DNASE1: variants seen among roughly 807,000 people sequenced by gnomAD.
The protein encoded by DNASE1 is deoxyribonuclease 1.
In DNASE1, 40 loss-of-function variants were observed where a neutral mutation model predicts 33.9. The observed-to-expected ratio is 1.18, with a 90% CI of 0.92 to 1.54. The LOEUF (loss-of-function observed/expected upper bound fraction) is 1.54. Among genes scored for constraint, DNASE1 ranks in the 40% most tolerant of loss-of-function variants. The pLI is 0.00. For missense variants in DNASE1, 518 were observed against 372.6 expected, an observed-to-expected ratio of 1.39 and a Z score of -3.21; for synonymous variants, 216 against 160.0, an observed-to-expected ratio of 1.35 and a Z score of -2.64.
chr16:3,662,994 T>C, downstream of DNASE1: 3 of 1,562,744 alleles, frequency 1.9e-6, no homozygotes, highest in East Asian at 2.4e-5. Context: ...GACAGGGAGC[T>C]CAGGCCTGCA....
upstream of DNASE1, among the ~76,000 whole-genome samples, chr16:3,640,407 G>A (rs971463186): frequency 6.6e-6 from 1 of 152,146 alleles, no homozygotes; most frequent in Admixed American, 6.5e-5. Context: ...TGCAGGTTCC[G>A]GCTGAGTTTC....
At chr16:3,664,488 A>G (rs760293721) in exon 10 of DNASE1, 1 of 1,587,442 alleles carries the variant, frequency 6.3e-7, no homozygotes, top group Non-Finnish European at 8.5e-7. Flanking sequence ...GTCACCACTT[A>G]TTCCAGGCCC....
At chr16:3,626,960 C>G (rs1379956149) in intron 1 of DNASE1, among the ~76,000 whole-genome samples, 4 of 152,068 alleles carry the variant, frequency 2.6e-5, no homozygotes, top group Non-Finnish European at 5.9e-5. Flanking sequence ...CAGCTTTGAA[C>G]TCCTGAGCTC....
chr16:3,648,672 A>G (rs1355031072), intron 1 of DNASE1, among the ~76,000 whole-genome samples: 3 of 152,176 alleles, frequency 2.0e-5, no homozygotes, highest in African/African-American at 7.2e-5. Flanking sequence ...TTAAAAACAA[A>G]ACATAAGGAC....
At chr16:3,648,534 C>T (rs991003852) in intron 1 of DNASE1, among the ~76,000 whole-genome samples, 7 of 151,942 alleles carry the variant, frequency 4.6e-5, no homozygotes, top group Non-Finnish European at 7.4e-5. Flanking sequence ...AGGCGAAGCT[C>T]GCGTGAACCC....
At chr16:3,626,928 G>A (rs1451051657) in intron 1 of DNASE1, among the ~76,000 whole-genome samples, 1 of 152,098 alleles carries the variant, frequency 6.6e-6, no homozygotes, top group African/African-American at 2.4e-5. Context: ...CTGGAGCACG[G>A]TGATGTGATC....
intron 1 of DNASE1, among the ~76,000 whole-genome samples, chr16:3,619,039 A>ATT (rs531078028): frequency 2.1e-5 from 3 of 144,868 alleles, no homozygotes; most frequent in African/African-American, 5.1e-5. Context: ...CCCCTGGGTA[A>ATT]TTTTTTTTTT....
At chr16:3,631,943 G>A (rs886088160) in intron 1 of DNASE1, among the ~76,000 whole-genome samples, 1 of 151,928 alleles carries the variant, frequency 6.6e-6, no homozygotes, top group Non-Finnish European at 1.5e-5. Context: ...ATTTTATTTT[G>A]TGTAACATTG....
In DNASE1 at chr16:3,647,205, C is replaced by T. The variant is rs78058878; in HGVS notation, c.-86+4169C>T. Among the ~76,000 whole-genome samples the T allele has an allele frequency of 2.7e-5, 4 of 150,158 alleles. No homozygotes were observed. The East Asian group carries it at 7.8e-4, about 29-fold the overall frequency. On this transcript the variant is annotated intron_variant, in intron 1 of 9. Coordinates refer to the DNASE1 transcript ENST00000407479. Reference sequence around the variant, plus strand: ...CTTATTTTTGGATGTTGGATCACATCTGGCAGTATTGCTTTAAAAGCTTTT... The same window carrying T: ...CTTATTTTTGGATGTTGGATCACATTTGGCAGTATTGCTTTAAAAGCTTTT...
chr16:3,650,617 A>G (rs905055867), upstream of DNASE1: 1 of 147,298 alleles, frequency 6.8e-6, no homozygotes, highest in African/African-American at 2.5e-5. Flanking sequence ...AAAAAAAAAA[A>G]AAAGAAAAGA....
chr16:3,643,628 AAGGCAACC>A (rs1201804364), intron 1 of DNASE1, among the ~76,000 whole-genome samples: 1 of 152,226 alleles, frequency 6.6e-6, no homozygotes, highest in East Asian at 1.9e-4. Context: ...CACTCAGTTG[AAGGCAACC>A]AGGTACACTG....
intron 4 of DNASE1, 27 bp downstream of exon 4, chr16:3,656,212 C>T: frequency 1.2e-6 from 2 of 1,609,244 alleles, no homozygotes; most frequent in East Asian, 2.2e-5. Context: ...GCCAGGAAGC[C>T]CCTCCCTCAC....
chr16:3,637,387 A>C (rs140465129), intron 1 of DNASE1, among the ~76,000 whole-genome samples: 1 of 152,292 alleles, frequency 6.6e-6, no homozygotes, highest in African/African-American at 2.4e-5. Context: ...AAGGAGGGGA[A>C]GTGTCCTAAG....
chr16:3,627,491 C>T (rs55682308), intron 1 of DNASE1, among the ~76,000 whole-genome samples: 8 of 151,758 alleles, frequency 5.3e-5, no homozygotes, highest in African/African-American at 1.9e-4. Context: ...TGCTCAGGCC[C>T]GTCTGGAACT....
intron 1 of DNASE1, among the ~76,000 whole-genome samples, chr16:3,636,254 T>TTTTTG (rs2041864735): frequency 6.6e-6 from 1 of 151,662 alleles, no homozygotes; most frequent in East Asian, 1.9e-4. Context: ...TCTTAGTTTT[T>TTTTTG]TTTGTTTCTA....
chr16:3,617,034 A>C (rs2041127250), intron 1 of DNASE1, among the ~76,000 whole-genome samples: 1 of 152,116 alleles, frequency 6.6e-6, no homozygotes, highest in Non-Finnish European at 1.5e-5. Flanking sequence ...TGAAAACTAT[A>C]AAACTCTTAG....
chr16:3,662,833 G>C (rs768639310), downstream of DNASE1: 1 of 1,591,914 alleles, frequency 6.3e-7, no homozygotes, highest in East Asian at 2.2e-5. Context: ...TGGCCAGCCT[G>C]TTAGGGACAC....
chr16:3,612,432 G>A lies in DNASE1; in HGVS notation c.-1359+426G>A, dbSNP rs182438663. Among the ~76,000 whole-genome samples, 286 of 151,514 alleles carry A rather than the reference G, an allele frequency of 1.9e-3. 5 individuals are homozygous for A. Among genetic ancestry groups the A allele is most frequent in the Admixed American group, 0.018 (280 of 15,210 alleles). ...CGCCCAGCTAATTTTTGTGTTTTTA[G>A]TAGAGACTAGGTTTCACTCTGTTGC... On this transcript the variant is annotated intron_variant and NMD_transcript_variant, in intron 1 of 11. Coordinates refer to the DNASE1 transcript ENST00000570769.
chr16:3,616,465 A>C (rs1037323412), intron 1 of DNASE1, among the ~76,000 whole-genome samples: 1 of 137,296 alleles, frequency 7.3e-6, no homozygotes, highest in Non-Finnish European at 1.6e-5. Flanking sequence ...TACTAAAAAT[A>C]TAAAAATTAG....
Sources: gnomAD v4.1 joint callset for allele counts (sites outside exome capture counted in the v4.1 genomes callset) on GRCh38, gnomAD v4.1.1 for gene constraint, MANE v1.5 for transcripts, NCBI Gene and HGNC (gene_info 2026-07-23, HGNC 2026-07-21) for gene names.